HNRNPUL1: variants seen among roughly 807,000 people sequenced by gnomAD.
HNRNPUL1 encodes heterogeneous nuclear ribonucleoprotein U-like protein 1.
A neutral mutation model predicts 108.5 loss-of-function variants in HNRNPUL1; 14 were observed. The ratio of observed to expected loss-of-function variants is 0.13; its 90% CI spans 0.09 to 0.20. The LOEUF is 0.20. HNRNPUL1 is among the 10% of genes least tolerant of loss of function. The pLI, the probability that HNRNPUL1 is intolerant of heterozygous loss-of-function variation, is 1.00. For synonymous variants in HNRNPUL1, 422 were observed against 445.2 expected (o/e 0.95, Z 0.66); for missense variants, 804 against 1,168.3 (o/e 0.69, Z 4.55).
intron 10 of HNRNPUL1, among the ~76,000 whole-genome samples, chr19:41,295,094 C>T (rs2036811243): frequency 6.6e-6 from 1 of 152,216 alleles, no homozygotes; most frequent in Non-Finnish European, 1.5e-5. Context: ...CATCTGCACC[C>T]CTAACGCAGG....
intron 7 of HNRNPUL1, among the ~76,000 whole-genome samples, chr19:41,284,480 T>A (rs933731870): frequency 4.7e-5 from 7 of 150,172 alleles, no homozygotes; most frequent in Non-Finnish European, 1.0e-4. Flanking sequence ...AGCTTGGGCA[T>A]CATGGTGAAA....
In HNRNPUL1 at chr19:41,292,272, C is replaced by T; in HGVS notation, c.1027C>T (p.Leu343=). The change falls in exon 8 of 15, where the codon CTG becomes TTG. Residue 343 remains leucine, a synonymous_variant. Transcript: ENST00000392006. This position sits in a 1 kb window ranked among gnomAD's most constrained non-coding sequence, Gnocchi z 4.1. Reference sequence around the variant, plus strand: ...TTTTGAATGTGGAAATGACGTGGAACTGTCTTTTACCAAGAATGGAAAGTG... The same window carrying T: ...TTTTGAATGTGGAAATGACGTGGAATTGTCTTTTACCAAGAATGGAAAGTG... ...ADFECGNDVE[L]SFTKNGKWMG... 6.2e-7 allele frequency: 1 copy of T among 1,614,164 alleles called. No homozygotes were observed. Among genetic ancestry groups the T allele is most frequent in the Non-Finnish European group, 8.5e-7 (1 of 1,180,012 alleles).
At chr19:41,266,156 C>T (rs1057123755) in intron 1 of HNRNPUL1, among the ~76,000 whole-genome samples, 7 of 152,008 alleles carry the variant, frequency 4.6e-5, no homozygotes, top group Non-Finnish European at 8.8e-5. Flanking sequence ...GCTTTCGGGC[C>T]GAGTGCAGTG....
At chr19:41,270,524 G>A (rs1467667586) in intron 2 of HNRNPUL1, among the ~76,000 whole-genome samples, 2 of 150,854 alleles carry the variant, frequency 1.3e-5, no homozygotes, top group Non-Finnish European at 2.9e-5. Context: ...TTAAACTTAG[G>A]ATTTCCCAAT....
Position 41,294,411 on chromosome 19 carries a change from C to T in HNRNPUL1, c.1340C>T (p.Ser447Phe). ...WAIKHAASNP[S>F]KKYNILGTNA... ...ATCAAACATGCAGCCTCCAACCCTT[C>T]CAAGAAGTACAACATCCTGGGTACC... is the stretch of plus-strand genomic sequence containing the variant. The change falls in exon 9 of 15, where the codon TCC becomes TTC. Residue 447 changes from serine to phenylalanine, a missense_variant. By Grantham distance (155) the Ser-to-Phe change is radical. This residue lies in a region of HNRNPUL1 where 80 missense variants were observed against 221.8 expected (regional missense o/e 0.36). Transcript: ENST00000392006. The surrounding 1 kb of genome is among the most constrained non-coding windows in gnomAD (Gnocchi z 4.3). 1.2e-6 allele frequency: 2 copies of T among 1,614,130 alleles called. No homozygotes were observed. The highest frequency in any genetic ancestry group is 2.2e-5 in the East Asian group (1 of 44,876).
chr19:41,278,186 A>T (rs2035688612), intron 5 of HNRNPUL1, among the ~76,000 whole-genome samples: 1 of 151,968 alleles, frequency 6.6e-6, no homozygotes, highest in Admixed American at 6.6e-5. Context: ...CAGCCTCCCA[A>T]GTAGCTGGGA....
intron 8 of HNRNPUL1, among the ~76,000 whole-genome samples, chr19:41,293,738 T>C (rs1172205090): frequency 6.6e-6 from 1 of 152,204 alleles, no homozygotes; most frequent in East Asian, 1.9e-4. Flanking sequence ...GGCAAATGCC[T>C]ATAATTCCAG....
At chr19:41,296,259 C>T (rs1334737473) in intron 10 of HNRNPUL1, among the ~76,000 whole-genome samples, 1 of 152,114 alleles carries the variant, frequency 6.6e-6, no homozygotes, top group Non-Finnish European at 1.5e-5. Flanking sequence ...AGTGGGTTTT[C>T]TCTGGAAGCC....
chr19:41,302,246 T>C (rs1476106708), intron 11 of HNRNPUL1: 2 of 103,122 alleles, frequency 1.9e-5, no homozygotes, highest in Admixed American at 2.4e-4. Context: ...GGAGAGGGAG[T>C]CTTGCCCTGT....
chr19:41,284,220 C>T (rs74360321), intron 7 of HNRNPUL1, among the ~76,000 whole-genome samples: 1 of 152,088 alleles, frequency 6.6e-6, no homozygotes, highest in Admixed American at 6.5e-5. Flanking sequence ...GGTTGATATG[C>T]ACTATAGATT....
rs2035273799 is a variant in HNRNPUL1, at chr19:41,272,118, G to A, written c.455G>A (p.Ser152Asn). Residue 152 changes from serine to asparagine, a missense_variant, in exon 3 of 15, where the codon AGC (serine) becomes AAC (asparagine). Ser to Asn is a conservative substitution (Grantham distance 46). Transcript: ENST00000392006. ...GAGATGAAGCAAGGAGCACCCACCA[G>A]CTTCCTCCCGCCTGAAGCTTCTCAA... Reference protein sequence around the residue: ...KTEMKQGAPTSFLPPEASQLK... With the variant: ...KTEMKQGAPTNFLPPEASQLK... The A allele has an allele frequency of 6.2e-7, 1 of 1,614,072 alleles. No homozygotes were observed. Among genetic ancestry groups the A allele is most frequent in the Non-Finnish European group, 8.5e-7 (1 of 1,180,048 alleles).
At position 41,292,404 on chromosome 19, in the gene HNRNPUL1, G is replaced by A. The variant is rs2036637188; in HGVS notation, c.1159G>A (p.Ala387Thr). 2 of 1,614,092 alleles carry A rather than the reference G, an allele frequency of 1.2e-6. No homozygotes were observed. The highest frequency in any genetic ancestry group is 3.3e-5 in the Admixed American group (2 of 60,010). The change falls in exon 8 of 15, where the codon GCA (alanine) becomes ACA (threonine). Residue 387 changes from alanine (A) to threonine (T), a missense_variant. Physicochemically the swap from Ala to Thr is moderately conservative, Grantham distance 58. Coordinates refer to ENST00000392006, the MANE Select transcript of HNRNPUL1 (RefSeq NM_007040.6). The surrounding 1 kb of genome is among the most constrained non-coding windows in gnomAD (Gnocchi z 4.1). ...CAVEFNFGQR[A>T]EPYCSVLPGF... The stretch of plus-strand genomic sequence containing the variant: ...AGTGGAGTTCAACTTCGGACAGAGA[G>A]CAGAGCCCTACTGTTCTGTCCTCCC...
chr19:41,282,669 T>C (rs1387888954), intron 7 of HNRNPUL1, among the ~76,000 whole-genome samples: 1 of 152,034 alleles, frequency 6.6e-6, no homozygotes, highest in African/African-American at 2.4e-5. Context: ...GGTTCACTTA[T>C]GTGCATATTT....
chr19:41,264,841 G>A (rs999590343), intron 1 of HNRNPUL1, 43 bp downstream of exon 1: 22 of 1,343,830 alleles, frequency 1.6e-5, no homozygotes, highest in Non-Finnish European at 1.9e-5. Context: ...CGGAGCCTGG[G>A]CCGAGGAAAG....
At chr19:41,266,210 G>T (rs2034833233) in intron 1 of HNRNPUL1, among the ~76,000 whole-genome samples, 1 of 152,068 alleles carries the variant, frequency 6.6e-6, no homozygotes, top group Non-Finnish European at 1.5e-5. Flanking sequence ...CGAGGCGGGC[G>T]GATCACGAGG....
At chr19:41,289,382 G>A (rs2036445602) in intron 7 of HNRNPUL1, among the ~76,000 whole-genome samples, 1 of 152,186 alleles carries the variant, frequency 6.6e-6, no homozygotes, top group African/African-American at 2.4e-5. Flanking sequence ...GTGGAGAACA[G>A]AATAACCCAT....
chr19:41,265,036 C>A, intron 1 of HNRNPUL1: 1 of 978,284 alleles, frequency 1.0e-6, no homozygotes, highest in South Asian at 1.8e-5. Flanking sequence ...AGGTGAGGGA[C>A]GGGGGTGGCG....
intron 7 of HNRNPUL1, among the ~76,000 whole-genome samples, chr19:41,283,030 G>A (rs1032245111): frequency 2.0e-5 from 3 of 152,136 alleles, no homozygotes; most frequent in African/African-American, 7.2e-5. Context: ...CTTCTTTGGA[G>A]ATTTGCAACA....
rs1040150989 is a variant in HNRNPUL1, at chr19:41,265,089, T to C, written c.295+291T>C. ...TAGGGATCGGAGACCGGAAACTGCTTTCTGGAGCCGAAGAGAGTCGGAAGA... is the reference window on the plus strand; with the variant it reads ...TAGGGATCGGAGACCGGAAACTGCTCTCTGGAGCCGAAGAGAGTCGGAAGA... On this transcript the variant is annotated intron_variant, in intron 1 of 14. Coordinates refer to ENST00000392006, the MANE Select transcript of HNRNPUL1 (RefSeq NM_007040.6). The C allele has an allele frequency of 2.1e-4, 295 of 1,413,356 alleles. 3 individuals are homozygous for C. The South Asian group carries it at 4.3e-3, about 21-fold the overall frequency. The allele number at this position is 1,413,356 out of a possible 1,614,324, so 87.6% of individuals were successfully genotyped here.
Sources: gnomAD v4.1 joint callset for allele counts (sites outside exome capture counted in the v4.1 genomes callset) on GRCh38, gnomAD v4.1.1 for gene constraint, gnomAD v4.1.1 regional missense constraint, Gnocchi (gnomAD v3.1) non-coding constraint, MANE v1.5 for transcripts, NCBI Gene and HGNC (gene_info 2026-07-23, HGNC 2026-07-21) for gene names.